The following FRMPD4 variants were observed in gnomAD, a reference collection of about 807,000 sequenced individuals.
The protein encoded by FRMPD4 is FERM and PDZ domain-containing protein 4.
Under a neutral mutation model 94.1 loss-of-function variants are expected in FRMPD4, and 22 were observed. That is an observed-to-expected ratio of 0.23 (90% CI 0.17 to 0.33). The LOEUF is 0.33. Ranked by LOEUF, FRMPD4 falls within the 10% of genes least tolerant of loss-of-function variation. The pLI is 1.00. For synonymous variants in FRMPD4, 631 were observed against 548.6 expected, an observed-to-expected ratio of 1.15 and a Z score of -2.10; for missense variants, 1,111 against 1,339.9, an observed-to-expected ratio of 0.83 and a Z score of 2.67.
intron 1 of FRMPD4, among the ~76,000 whole-genome samples, chrX:12,305,195 A>G (rs1389508271): frequency 8.9e-6 from 1 of 112,027 alleles, no homozygotes; most frequent in Non-Finnish European, 1.9e-5. Context: ...AGAGGTGAGG[A>G]TTTACATAGT....
intron 2 of FRMPD4, among the ~76,000 whole-genome samples, chrX:12,531,924 T>A (rs2058289631): frequency 8.9e-6 from 1 of 111,948 alleles, no homozygotes; most frequent in African/African-American, 3.2e-5. Context: ...CTTAATGCTT[T>A]CTTTATAGTT....
chrX:12,153,091 G>A (rs2055882878), intron 1 of FRMPD4, among the ~76,000 whole-genome samples: 1 of 109,713 alleles, frequency 9.1e-6, no homozygotes, highest in Non-Finnish European at 1.9e-5. Context: ...CCGCCACCGC[G>A]CCCGGCTAAT....
Position 12,348,842 on chromosome X carries a change from C to G in FRMPD4, c.42-149838C>G, listed in dbSNP as rs7887011. Among the ~76,000 whole-genome samples the G allele has an allele frequency of 2.1e-4, 23 of 111,148 alleles. 1 individual carries two copies. The highest frequency in any genetic ancestry group is 6.6e-5 in the African/African-American group (2 of 30,382). On this transcript the variant is annotated intron_variant, in intron 1 of 16. Transcript: ENST00000675598. Reference sequence around the variant, plus strand: ...GTTCCCCTCATAAAGTAATGGGAAACAGCAACAACAACAAAAAAAATGCAA... The same window carrying G: ...GTTCCCCTCATAAAGTAATGGGAAAGAGCAACAACAACAAAAAAAATGCAA...
intron 3 of FRMPD4, among the ~76,000 whole-genome samples, chrX:11,929,559 G>A (rs982486287): frequency 8.9e-6 from 1 of 112,343 alleles, no homozygotes; most frequent in African/African-American, 3.2e-5. Flanking sequence ...CTGACAGATG[G>A]AGGTCGAACC....
intron 1 of FRMPD4, among the ~76,000 whole-genome samples, chrX:12,480,202 G>A (rs938126044): frequency 5.4e-5 from 6 of 110,387 alleles, no homozygotes; most frequent in Non-Finnish European, 1.1e-4. Context: ...AGAATCAGAG[G>A]AAGGCTGGTG....
chrX:12,059,856 C>G (rs572957360), intron 3 of FRMPD4, among the ~76,000 whole-genome samples: 2 of 108,410 alleles, frequency 1.8e-5, no homozygotes, highest in East Asian at 5.8e-4. Flanking sequence ...ATCCAATCCA[C>G]CATTGATGGG....
intron 1 of FRMPD4, among the ~76,000 whole-genome samples, chrX:12,256,572 A>C (rs1004282457): frequency 8.9e-6 from 1 of 111,976 alleles, no homozygotes; most frequent in Non-Finnish European, 1.9e-5. Context: ...AAAGACTATG[A>C]CCAGGAAACA....
chrX:12,367,474 G>T (rs1331186242), intron 1 of FRMPD4, among the ~76,000 whole-genome samples: 1 of 112,351 alleles, frequency 8.9e-6, no homozygotes, highest in Non-Finnish European at 1.9e-5. Context: ...CTTAGTGGCT[G>T]CCCTAATTGC....
chrX:12,360,725 T>C (rs1240813892), intron 1 of FRMPD4, among the ~76,000 whole-genome samples: 1 of 111,883 alleles, frequency 8.9e-6, no homozygotes, highest in African/African-American at 3.2e-5. Context: ...TGCCAAACTC[T>C]GAGTCCATGC....
chrX:12,169,199 T>C (rs989760183), intron 1 of FRMPD4, among the ~76,000 whole-genome samples: 2 of 111,622 alleles, frequency 1.8e-5, no homozygotes, highest in Non-Finnish European at 3.8e-5. Context: ...AGGAAACATA[T>C]ATATATGCAT....
At chrX:12,234,184 G>GT (rs1282263432) in intron 1 of FRMPD4, among the ~76,000 whole-genome samples, 1 of 110,991 alleles carries the variant, frequency 9.0e-6, no homozygotes, top group Non-Finnish European at 1.9e-5. Flanking sequence ...GGGGAGGTGT[G>GT]TGTGTGTGCA....
intron 3 of FRMPD4, among the ~76,000 whole-genome samples, chrX:11,951,903 G>A (rs1008182209): frequency 9.0e-6 from 1 of 111,717 alleles, no homozygotes; most frequent in African/African-American, 3.3e-5. Flanking sequence ...TGGTGTGGTG[G>A]CACACACCTG....
At chrX:12,561,429 T>C (rs1004433766) in intron 2 of FRMPD4, among the ~76,000 whole-genome samples, 3 of 112,231 alleles carry the variant, frequency 2.7e-5, no homozygotes, top group Non-Finnish European at 5.6e-5. Flanking sequence ...TAGTTATATT[T>C]AATTTTCCTA....
At chrX:12,099,133 G>A (rs2055233334) in intron 3 of FRMPD4, among the ~76,000 whole-genome samples, 1 of 106,324 alleles carries the variant, frequency 9.4e-6, no homozygotes, top group Non-Finnish European at 1.9e-5. Context: ...TGACGAGTTA[G>A]TGGGTGCAGC....
At chrX:12,417,333 C>T (rs1376456052) in intron 1 of FRMPD4, among the ~76,000 whole-genome samples, 1 of 110,851 alleles carries the variant, frequency 9.0e-6, no homozygotes, top group East Asian at 2.8e-4. Context: ...AATCCCAGCA[C>T]TTTGGGAGGC....
At chrX:11,957,353 T>G (rs748836023) in intron 3 of FRMPD4, among the ~76,000 whole-genome samples, 1 of 110,000 alleles carries the variant, frequency 9.1e-6, no homozygotes, top group African/African-American at 3.3e-5. Context: ...AGCCCAAGAG[T>G]TTGAGACCAG....
At chrX:12,561,124 A>C (rs2058655882) in intron 2 of FRMPD4, among the ~76,000 whole-genome samples, 1 of 111,500 alleles carries the variant, frequency 9.0e-6, no homozygotes, top group African/African-American at 3.3e-5. Context: ...GGAAATTTTG[A>C]ATGTTATTTA....
chrX:12,517,807 A>C (rs2058119188), intron 2 of FRMPD4, among the ~76,000 whole-genome samples: 1 of 112,875 alleles, frequency 8.9e-6, no homozygotes, highest in African/African-American at 3.2e-5. Flanking sequence ...GCAGGGGGAA[A>C]GACTAAGTCT....
At chrX:12,237,344 G>T (rs1399652853) in intron 1 of FRMPD4, among the ~76,000 whole-genome samples, 1 of 111,720 alleles carries the variant, frequency 9.0e-6, no homozygotes, top group African/African-American at 3.3e-5. Context: ...TGAATGAAAT[G>T]TCTGCCAGAG....
Sources: gnomAD v4.1 joint callset for allele counts (sites outside exome capture counted in the v4.1 genomes callset) on GRCh38, gnomAD v4.1.1 for gene constraint, MANE v1.5 for transcripts, NCBI Gene and HGNC (gene_info 2026-07-23, HGNC 2026-07-21) for gene names.